The following GALNT16 variants were observed in gnomAD, a reference collection of about 807,000 sequenced individuals.
The protein encoded by GALNT16 is UDP-GalNAc:polypeptide N-acetylgalactosaminyltransferase-like protein 1.
In GALNT16, 40 loss-of-function variants were observed where a neutral mutation model predicts 76.1. The observed-to-expected ratio is 0.53, with a 90% CI of 0.41 to 0.68. The LOEUF is 0.68. Among genes scored for constraint, GALNT16 ranks in the 30% least tolerant of loss-of-function variants. GALNT16 has a pLI of 0.00. For missense variants in GALNT16, 621 were observed against 731.9 expected (o/e 0.85, Z 1.75); for synonymous variants, 276 against 285.2 (o/e 0.97, Z 0.32).
intron 1 of GALNT16, among the ~76,000 whole-genome samples, chr14:69,269,602 A>G (rs916924433): frequency 2.3e-5 from 3 of 129,302 alleles, no homozygotes; most frequent in African/African-American, 6.1e-5. Flanking sequence ...GTTTGTATGT[A>G]TGTGTGTTAT....
At chr14:69,381,413 A>G in the GALNT16 span, among the ~76,000 whole-genome samples, 1 of 152,258 alleles carries the variant, frequency 6.6e-6, no homozygotes, top group African/African-American at 2.4e-5. Context: ...GAAATCTTAA[A>G]CCTATATTTT....
chr14:69,265,713 T>C (rs2044334327), intron 1 of GALNT16, among the ~76,000 whole-genome samples: 1 of 152,216 alleles, frequency 6.6e-6, no homozygotes, highest in Non-Finnish European at 1.5e-5. Context: ...GAGCCGAGCT[T>C]TCAGACATGA....
intron 1 of GALNT16, among the ~76,000 whole-genome samples, chr14:69,301,832 T>C (rs2044856870): frequency 6.6e-6 from 1 of 151,984 alleles, no homozygotes. Flanking sequence ...CTCCAAAAAG[T>C]ACAAAAAATT....
intron 5 of GALNT16, 24 bp downstream of exon 5, chr14:69,326,051 C>T: frequency 1.3e-6 from 2 of 1,581,132 alleles, no homozygotes; most frequent in Non-Finnish European, 8.7e-7. Context: ...CCCTGGGTCC[C>T]ACCAAGGGCC....
chr14:69,354,274 C>T lies in GALNT16; in HGVS notation c.*2106C>T, dbSNP rs1365167504. The T allele has an allele frequency of 6.5e-6, 1 of 152,864 alleles. No individual in the cohort carries two copies. The highest frequency in any genetic ancestry group is 2.4e-5 in the African/African-American group (1 of 41,468). 9.5% of individuals were successfully genotyped at this position (152,864 alleles called of 1,614,324 possible). On this transcript the variant is annotated 3_prime_UTR_variant, in exon 15 of 15. Transcript: ENST00000448469. ...GTAAGAGGACTGCTGACCAGAGGGC[C>T]TTCAAGAGGGTCTCTCTGTCCTTTG...
intron 9 of GALNT16, among the ~76,000 whole-genome samples, chr14:69,335,478 G>A (rs1464312753): frequency 6.6e-6 from 1 of 152,222 alleles, no homozygotes; most frequent in Non-Finnish European, 1.5e-5. Flanking sequence ...GGAAAGCTGG[G>A]AAACCCACAG....
At chr14:69,275,824 T>C (rs2044464431) in intron 1 of GALNT16, among the ~76,000 whole-genome samples, 1 of 152,244 alleles carries the variant, frequency 6.6e-6, no homozygotes, top group South Asian at 2.1e-4. Context: ...ATCATGCCAC[T>C]GCACTCCAGA....
At chr14:69,282,714 G>A (rs2044560712) in intron 1 of GALNT16, among the ~76,000 whole-genome samples, 1 of 151,716 alleles carries the variant, frequency 6.6e-6, no homozygotes, top group African/African-American at 2.4e-5. Flanking sequence ...TGCCCAGGCT[G>A]GAGTGCAGTG....
Position 69,338,637 on chromosome 14 carries a change from A to G in GALNT16, c.968-14A>G. The G allele has an allele frequency of 1.2e-6, 2 of 1,610,704 alleles. No homozygotes were observed. The highest frequency in any genetic ancestry group is 1.7e-6 in the Non-Finnish European group (2 of 1,177,784). On this transcript the variant is annotated splice_polypyrimidine_tract_variant and intron_variant, in intron 9 of 14. Coordinates refer to ENST00000448469, the MANE Select transcript of GALNT16 (RefSeq NM_001168368.2). ...GAACCCCTTCCTCCTCCTGACGGCT[A>G]CTATTTCCTGCAGAGCTCTCCTTCA... is the stretch of plus-strand genomic sequence containing the variant.
At chr14:69,357,086 C>G (rs545281718), downstream of GALNT16, 1 of 152,162 alleles carries the variant, frequency 6.6e-6, no homozygotes, top group Non-Finnish European at 1.5e-5. Context: ...AAGACAGAAA[C>G]GGTCCCTGCC....
chr14:69,317,312 T>C (rs1441997003), intron 1 of GALNT16, among the ~76,000 whole-genome samples: 5 of 152,188 alleles, frequency 3.3e-5, no homozygotes, highest in African/African-American at 1.2e-4. Flanking sequence ...CAGCATCCAC[T>C]GGTCACACGA....
At chr14:69,262,914 C>A (rs1281174236) in intron 1 of GALNT16, among the ~76,000 whole-genome samples, 1 of 148,840 alleles carries the variant, frequency 6.7e-6, no homozygotes, top group Non-Finnish European at 1.5e-5. Context: ...GAGTCTCACT[C>A]TGTCACCCAG....
At chr14:69,275,485 A>G (rs140354534) in intron 1 of GALNT16, among the ~76,000 whole-genome samples, 79 of 152,380 alleles carry the variant, frequency 5.2e-4, no homozygotes, top group African/African-American at 1.9e-3. Flanking sequence ...TTAAAATAAT[A>G]CAAAACAATT....
chr14:69,324,998 G>A (rs1269408880), intron 3 of GALNT16, among the ~76,000 whole-genome samples: 1 of 152,202 alleles, frequency 6.6e-6, no homozygotes, highest in Non-Finnish European at 1.5e-5. Flanking sequence ...CAGGTCAGAT[G>A]TCCAGGACAA....
chr14:69,261,267 G>A lies in GALNT16; in HGVS notation c.177+800G>A, dbSNP rs1401347843. Among the ~76,000 whole-genome samples, 2 of 152,182 alleles carry A rather than the reference G, an allele frequency of 1.3e-5. No homozygotes were observed. The highest frequency in any genetic ancestry group is 4.8e-5 in the African/African-American group (2 of 41,458). On this transcript the variant is annotated intron_variant, in intron 1 of 14. Coordinates refer to ENST00000448469, the MANE Select transcript of GALNT16 (RefSeq NM_001168368.2). This position sits in a 1 kb window ranked among gnomAD's most constrained non-coding sequence, Gnocchi z 6.4. The stretch of plus-strand genomic sequence containing the variant: ...TGGCGCTCTGGGGACCCGGGCGGGG[G>A]CGTGCGGAGCCGCAGCCGCCCTGCA...
chr14:69,326,366 T>C (rs1026354186), intron 5 of GALNT16, among the ~76,000 whole-genome samples: 1 of 152,240 alleles, frequency 6.6e-6, no homozygotes, highest in Non-Finnish European at 1.5e-5. Context: ...AAAGCAGATG[T>C]GATCTCACTT....
chr14:69,312,013 G>A (rs1305010257), intron 1 of GALNT16, among the ~76,000 whole-genome samples: 3 of 150,010 alleles, frequency 2.0e-5, no homozygotes, highest in Non-Finnish European at 4.4e-5. Context: ...GACCCGCCTA[G>A]CGTAACATAG....
chr14:69,296,728 T>TGATAGATTGATA (rs74676197), intron 1 of GALNT16, among the ~76,000 whole-genome samples: 1 of 141,956 alleles, frequency 7.0e-6, no homozygotes, highest in Non-Finnish European at 1.5e-5. Flanking sequence ...GACAGATAGA[T>TGATAGATTGATA]GATAGATAGA....
the GALNT16 span, among the ~76,000 whole-genome samples, chr14:69,385,691 A>C: frequency 6.6e-6 from 1 of 152,002 alleles, no homozygotes; most frequent in Admixed American, 6.6e-5. Context: ...GCCACCTATA[A>C]ATCCTCTCTT....
Sources: allele counts gnomAD v4.1 joint callset (sites outside exome capture counted in the v4.1 genomes callset), GRCh38; gene constraint gnomAD v4.1.1; non-coding constraint Gnocchi (gnomAD v3.1); transcripts MANE v1.5; gene names NCBI Gene and HGNC (gene_info 2026-07-23, HGNC 2026-07-21).